Variants in MRE11 observed in about 807,000 individuals in gnomAD.
MRE11 encodes double-strand break repair protein MRE11.
A neutral mutation model predicts 91.7 loss-of-function variants in MRE11; 62 were observed. The observed-to-expected ratio is 0.68, with a 90% confidence interval of 0.55 to 0.84. The LOEUF (loss-of-function observed/expected upper bound fraction) is 0.84. Among genes scored for constraint, MRE11 ranks in the 40% least tolerant of loss-of-function variants. The pLI is 0.00. For missense variants in MRE11, 796 were observed against 852.9 expected, an observed-to-expected ratio of 0.93 and a Z score of 0.83; for synonymous variants, 273 against 271.4, an observed-to-expected ratio of 1.01 and a Z score of -0.06.
intron 18 of MRE11, among the ~76,000 whole-genome samples, chr11:94,431,371 C>T (rs1042936549): frequency 4.6e-5 from 7 of 152,150 alleles, no homozygotes; most frequent in African/African-American, 1.7e-4. Context: ...CATGCATAAC[C>T]TGCAATTACT....
chr11:94,433,906 A>T lies in MRE11; in HGVS notation c.1994+1926T>A, dbSNP rs534817304. On this transcript the variant is annotated intron_variant, in intron 18 of 19. Transcript: ENST00000323929. ...ATTTCCGCTTAAATGTAGCTTCCTC[A>T]GAGGCTTTCCATGACCATCCTTCAA... Among the ~76,000 whole-genome samples the T allele has an allele frequency of 3.0e-4, 46 of 152,326 alleles. No homozygotes were observed. In the East Asian group the frequency reaches 8.5e-3, roughly 28 times the overall value.
chr11:94,461,026 G>C lies in MRE11; in HGVS notation c.1236C>G (p.Ile412Met). ...REQKEKTGEE[I>M]NFGKLITKPS... is the part of the protein sequence containing the mutation. ...GCTTTGTGATAAGTTTCCCAAAGTT[G>C]ATCTCTTCTCCTAGAAAAAAAGAAG... The change falls in exon 12 of 20, where the codon ATC becomes ATG. Residue 412 changes from isoleucine to methionine, a missense_variant. Physicochemically the swap from Ile to Met is conservative, Grantham distance 10. Coordinates refer to ENST00000323929, the MANE Select transcript of MRE11 (RefSeq NM_005591.4). 1 of 1,612,362 alleles carries C rather than the reference G, an allele frequency of 6.2e-7. No individual in the cohort carries two copies. The highest frequency in any genetic ancestry group is 1.1e-5 in the South Asian group (1 of 90,974).
intron 10 of MRE11, among the ~76,000 whole-genome samples, chr11:94,464,878 C>G (rs1946519555): frequency 6.6e-6 from 1 of 152,160 alleles, no homozygotes; most frequent in Admixed American, 6.5e-5. Context: ...ACTAGCTGTT[C>G]CCAAAGTACG....
chr11:94,480,081 G>A (rs759967545), intron 4 of MRE11, among the ~76,000 whole-genome samples: 3 of 152,130 alleles, frequency 2.0e-5, no homozygotes, highest in Admixed American at 6.5e-5. Flanking sequence ...GTTTTTATTC[G>A]TAGTGGGGGG....
chr11:94,420,100 A>C lies in MRE11; in HGVS notation c.*25T>G, dbSNP rs762943369. The stretch of plus-strand genomic sequence containing the variant: ...CATTTTCATTTTTCCTGTATCTTGC[A>C]TGTTTCTCAGTGCCATTAAATATAT... On this transcript the variant is annotated 3_prime_UTR_variant, in exon 20 of 20. Transcript: ENST00000323929. 1 of 1,520,420 alleles carries C rather than the reference A, an allele frequency of 6.6e-7. No individual in the cohort carries two copies. The highest frequency in any genetic ancestry group is 2.3e-5 in the East Asian group (1 of 44,202). 94.2% of individuals were successfully genotyped at this position (1,520,420 alleles called of 1,614,324 possible).
intron 16 of MRE11, among the ~76,000 whole-genome samples, chr11:94,444,870 C>T (rs115309951): frequency 1.6e-3 from 247 of 151,384 alleles, no homozygotes; most frequent in African/African-American, 5.6e-3. Context: ...AAACAATAAC[C>T]TCAAATAACT....
At chr11:94,445,947 T>G (rs910449172) in intron 15 of MRE11, 54 bp from the exon 16 acceptor site, 1 of 1,264,300 alleles carries the variant, frequency 7.9e-7, no homozygotes, top group African/African-American at 1.5e-5. Context: ...TAAGGTTTAT[T>G]TCATACAACA....
Position 94,470,536 on chromosome 11 carries a change from G to C in MRE11, c.952C>G (p.Pro318Ala). Residue 318 changes from proline (P) to alanine (A), a missense_variant, in exon 9 of 20, where the codon CCA becomes GCA. Coordinates refer to ENST00000323929, the MANE Select transcript of MRE11 (RefSeq NM_005591.4). Reference protein sequence around the residue: ...FMEDIVLANHPDIFNPDNPKV... With the variant: ...FMEDIVLANHADIFNPDNPKV... ...GGATTATCTGGGTTAAAAATGTCTG[G>C]ATGATTAGCTAGAACAATATCCTCC... 1 of 1,613,202 alleles carries C rather than the reference G, an allele frequency of 6.2e-7. No homozygotes were observed. The highest frequency in any genetic ancestry group is 8.5e-7 in the Non-Finnish European group (1 of 1,179,370).
chr11:94,445,968 A>T, intron 15 of MRE11, 75 bp from the exon 16 acceptor site: 1 of 1,033,496 alleles, frequency 9.7e-7, no homozygotes, highest in East Asian at 2.4e-5. Context: ...CTAAAAAATG[A>T]AAGCTAAATA....
At chr11:94,486,144 TACAGATG>T in intron 3 of MRE11, 60 bp from the exon 4 acceptor site, 1 of 1,543,476 alleles carries the variant, frequency 6.5e-7, no homozygotes, top group Non-Finnish European at 8.9e-7. Context: ...TTTTGTAAAC[TACAGATG>T]AAAGAGATAA....
At chr11:94,503,826 C>CAAAAAAAA in the MRE11 span, among the ~76,000 whole-genome samples, 3 of 87,256 alleles carry the variant, frequency 3.4e-5, no homozygotes, top group Non-Finnish European at 6.3e-5. Context: ...GACTCCGTCT[C>CAAAAAAAA]AAAAAAAAAA....
In MRE11 at chr11:94,481,506, T is replaced by C. The variant is rs559853230; in HGVS notation, c.315-1745A>G. On this transcript the variant is annotated intron_variant, in intron 4 of 19. Coordinates refer to ENST00000323929, the MANE Select transcript of MRE11 (RefSeq NM_005591.4). ...CTTCTGGCTTTGCTTCAGGCAGTTT[T>C]TGGCATGCAGAAATTTATTTTTGCA... Among the ~76,000 whole-genome samples, 11 of 152,336 alleles carry C rather than the reference T, an allele frequency of 7.2e-5. No homozygotes were observed. The South Asian group carries it at 2.3e-3, about 32-fold the overall frequency.
At chr11:94,448,316 C>G (rs1946000646) in intron 14 of MRE11, among the ~76,000 whole-genome samples, 1 of 152,054 alleles carries the variant, frequency 6.6e-6, no homozygotes, top group Non-Finnish European at 1.5e-5. Context: ...GTGGCTCACA[C>G]CTGTAATCCC....
intron 7 of MRE11, among the ~76,000 whole-genome samples, chr11:94,474,974 C>T (rs992575400): frequency 6.6e-6 from 1 of 152,150 alleles, no homozygotes; most frequent in African/African-American, 2.4e-5. Context: ...TATCTAAACT[C>T]TGGCCTGCCC....
In MRE11 at chr11:94,490,905, C is replaced by T. The variant is rs190031653; in HGVS notation, c.81G>A (p.Glu27=). ...TATCATTTCCTCTGACTGCATCTTT[C>T]TCCATAAATCCAAGATGAATATCTG... The part of the protein sequence containing the change: ...VATDIHLGFM[E]KDAVRGNDTF... Residue 27 remains glutamate (E), a synonymous_variant, in exon 3 of 20, where the codon GAG becomes GAA. Coordinates refer to ENST00000323929, the MANE Select transcript of MRE11 (RefSeq NM_005591.4). 4.9e-5 allele frequency: 79 copies of T among 1,597,798 alleles called. No homozygotes were observed. In the Admixed American group the frequency reaches 1.3e-3, roughly 26 times the overall value.
the MRE11 span, among the ~76,000 whole-genome samples, chr11:94,506,292 T>C: frequency 6.6e-6 from 1 of 151,870 alleles, no homozygotes; most frequent in Non-Finnish European, 1.5e-5. Context: ...TTTTCCTATA[T>C]AGCAAATGTA....
At chr11:94,423,060 C>T (rs1355058625) in intron 19 of MRE11, among the ~76,000 whole-genome samples, 1 of 152,094 alleles carries the variant, frequency 6.6e-6, no homozygotes, top group Non-Finnish European at 1.5e-5. Context: ...GACAAGATGG[C>T]CAACTAGACA....
chr11:94,468,505 C>A (rs1023317287), intron 9 of MRE11, among the ~76,000 whole-genome samples: 4 of 152,130 alleles, frequency 2.6e-5, no homozygotes, highest in Non-Finnish European at 4.4e-5. Flanking sequence ...TAGATATCTC[C>A]AGATGGCCAA....
chr11:94,494,373 A>T (rs1947379037), upstream of MRE11, among the ~76,000 whole-genome samples: 2 of 152,272 alleles, frequency 1.3e-5, no homozygotes, highest in Middle Eastern at 3.4e-3. Flanking sequence ...GAGCAGTAAG[A>T]TGTATAGTGC....
Sources: allele counts gnomAD v4.1 joint callset (sites outside exome capture counted in the v4.1 genomes callset), GRCh38; gene constraint gnomAD v4.1.1; transcripts MANE v1.5; gene names NCBI Gene and HGNC (gene_info 2026-07-23, HGNC 2026-07-21).